SPNS3: variants seen among roughly 807,000 people sequenced by gnomAD.
The protein encoded by SPNS3 is SPNS lysolipid transporter 3, sphingosine-1-phosphate (putative), also known as protein spinster homolog 3.
Under a neutral mutation model 54.4 loss-of-function variants are expected in SPNS3, and 51 were observed. That is an observed-to-expected ratio of 0.94 (90% CI 0.75 to 1.18). The LOEUF (loss-of-function observed/expected upper bound fraction) is 1.18, where lower values mean the gene tolerates loss of function less well. Ranked by LOEUF, SPNS3 falls within the 50% of genes most tolerant of loss-of-function variation. SPNS3 has a pLI of 0.00. For missense variants in SPNS3, 669 were observed against 677.4 expected (o/e 0.99, Z 0.14); for synonymous variants, 309 against 294.7 (o/e 1.05, Z -0.50).
At chr17:4,457,318 A>C (rs1381454008) in intron 8 of SPNS3, among the ~76,000 whole-genome samples, 1 of 152,132 alleles carries the variant, frequency 6.6e-6, no homozygotes, top group South Asian at 2.1e-4. Flanking sequence ...TTTGAGCCCC[A>C]GTGATAGAGG....
intron 5 of SPNS3, 110 bp from the exon 6 acceptor site, chr17:4,448,045 T>G: frequency 8.9e-7 from 1 of 1,123,964 alleles, no homozygotes; most frequent in Non-Finnish European, 1.2e-6. Flanking sequence ...CCCCCAGGGC[T>G]TGGAAACCAG....
intron 8 of SPNS3, among the ~76,000 whole-genome samples, chr17:4,471,167 A>G (rs1398288602): frequency 3.3e-5 from 5 of 152,160 alleles, no homozygotes; most frequent in African/African-American, 9.6e-5. Flanking sequence ...CAGGTGATCC[A>G]CCCGCCTCGG....
intron 8 of SPNS3, among the ~76,000 whole-genome samples, chr17:4,461,969 C>T (rs1971518989): frequency 6.6e-6 from 1 of 152,094 alleles, no homozygotes; most frequent in African/African-American, 2.4e-5. Flanking sequence ...AGGGTGAAAA[C>T]ATTTTTGGGG....
chr17:4,483,149 G>C lies in SPNS3; in HGVS notation c.1180-3079G>C, dbSNP rs2144234586. Among the ~76,000 whole-genome samples, 1 of 152,330 alleles carries C rather than the reference G, an allele frequency of 6.6e-6. No homozygotes were observed. The highest frequency in any genetic ancestry group is 2.4e-5 in the African/African-American group (1 of 41,564). Reference sequence around the variant, plus strand: ...CTGTCTCACCCTCTCAGGGGCGTCTGGGGGCGAGGCCTGGGTGGGGGTGCA... The same window carrying C: ...CTGTCTCACCCTCTCAGGGGCGTCTCGGGGCGAGGCCTGGGTGGGGGTGCA... On this transcript the variant is annotated intron_variant, in intron 9 of 11. Transcript: ENST00000355530. This position sits in a 1 kb window ranked among gnomAD's most constrained non-coding sequence, Gnocchi z 4.2.
intron 8 of SPNS3, among the ~76,000 whole-genome samples, chr17:4,477,645 C>G (rs906015509): frequency 2.6e-5 from 4 of 152,140 alleles, no homozygotes; most frequent in African/African-American, 7.2e-5. Context: ...GGGCACTGGG[C>G]AGGGGCCGGA....
rs34349047 is a variant in SPNS3, at chr17:4,434,107, C to T, written c.140C>T (p.Ala47Val). ...WSLPPWRAYV[A>V]AAVLCYINLL... is the part of the protein sequence containing the mutation. Reference sequence around the variant, plus strand: ...CTGCCCCCGTGGAGGGCCTACGTGGCTGCCGCCGTCCTCTGCTACATCAAC... The same window carrying T: ...CTGCCCCCGTGGAGGGCCTACGTGGTTGCCGCCGTCCTCTGCTACATCAAC... The change falls in exon 1 of 12, where the codon GCT becomes GTT. Residue 47 changes from alanine (A) to valine (V), a missense_variant. Ala to Val is a moderately conservative substitution (Grantham distance 64). Coordinates refer to ENST00000355530, the MANE Select transcript of SPNS3 (RefSeq NM_182538.5). 6.2e-7 allele frequency: 1 copy of T among 1,612,480 alleles called. No individual in the cohort carries two copies. The highest frequency in any genetic ancestry group is 8.5e-7 in the Non-Finnish European group (1 of 1,179,354).
chr17:4,448,864 G>A (rs60615216), intron 6 of SPNS3, among the ~76,000 whole-genome samples: 4 of 152,202 alleles, frequency 2.6e-5, no homozygotes, highest in African/African-American at 9.7e-5. Flanking sequence ...GGCAGGCAGG[G>A]ACAGCTTCCT....
At chr17:4,485,034 C>T (rs900082015) in intron 9 of SPNS3, 1 of 152,076 alleles carries the variant, frequency 6.6e-6, no homozygotes, top group Non-Finnish European at 1.5e-5. Flanking sequence ...AGGGCAGGTA[C>T]CTGAACTCTG....
intron 7 of SPNS3, among the ~76,000 whole-genome samples, chr17:4,451,931 G>A (rs768008065): frequency 2.1e-4 from 32 of 151,316 alleles, no homozygotes; most frequent in Non-Finnish European, 3.5e-4. Context: ...CACCCACCTC[G>A]GCCTCCCAAA....
chr17:4,456,764 G>A (rs1971326839), intron 8 of SPNS3, among the ~76,000 whole-genome samples: 1 of 152,044 alleles, frequency 6.6e-6, no homozygotes, highest in Admixed American at 6.6e-5. Context: ...GCCCAGGCTG[G>A]AGTGCAGTGG....
chr17:4,467,317 A>T (rs980200970), intron 8 of SPNS3, among the ~76,000 whole-genome samples: 22 of 152,032 alleles, frequency 1.4e-4, no homozygotes, highest in Non-Finnish European at 2.5e-4. Context: ...GCAAAAAAAA[A>T]ATCACCCCAA....
intron 9 of SPNS3, among the ~76,000 whole-genome samples, chr17:4,480,339 G>T (rs1972118672): frequency 6.6e-6 from 1 of 152,208 alleles, no homozygotes; most frequent in Non-Finnish European, 1.5e-5. Flanking sequence ...TGCCCGGTAG[G>T]GTGAGCAAGG....
Position 4,434,093 on chromosome 17 carries a change from G to A in SPNS3, c.126G>A (p.Trp42Ter). The A allele has an allele frequency of 6.2e-7, 1 of 1,612,362 alleles. No homozygotes were observed. Among genetic ancestry groups the A allele is most frequent in the Non-Finnish European group, 8.5e-7 (1 of 1,179,330 alleles). ...ITPTSWSLPP[W>*]RAYVAAAVLC... ...CCACCTCCTGGAGCCTGCCCCCGTGGAGGGCCTACGTGGCTGCCGCCGTCC... is the reference window on the plus strand; with the variant it reads ...CCACCTCCTGGAGCCTGCCCCCGTGAAGGGCCTACGTGGCTGCCGCCGTCC... Residue 42 changes from tryptophan (W) to a stop codon, truncating the protein, a stop_gained, in exon 1 of 12, where the codon TGG becomes TGA. Coordinates refer to ENST00000355530, the MANE Select transcript of SPNS3 (RefSeq NM_182538.5). LOFTEE classifies it high-confidence loss of function.
intron 1 of SPNS3, among the ~76,000 whole-genome samples, chr17:4,437,496 G>A (rs1333026425): frequency 2.0e-5 from 3 of 151,624 alleles, no homozygotes; most frequent in East Asian, 1.9e-4. Context: ...GTGAAACCCC[G>A]TCTCTACTAA....
At chr17:4,481,599 G>T (rs1972152034) in intron 9 of SPNS3, among the ~76,000 whole-genome samples, 1 of 152,186 alleles carries the variant, frequency 6.6e-6, no homozygotes, top group Non-Finnish European at 1.5e-5. Context: ...TTAGGTCAGA[G>T]GGCAGAGGGC....
chr17:4,468,584 C>T (rs62064885), intron 8 of SPNS3, among the ~76,000 whole-genome samples: 23,871 of 129,332 alleles, frequency 0.18, 1,918 homozygotes, highest in Middle Eastern at 0.25. Context: ...GCGGTGGCGG[C>T]GGGGGAAGAC....
At chr17:4,469,620 CAA>C (rs551056606) in intron 8 of SPNS3, among the ~76,000 whole-genome samples, 8 of 66,832 alleles carry the variant, frequency 1.2e-4, no homozygotes, top group Admixed American at 2.0e-4. Flanking sequence ...GACTCCATCT[CAA>C]AAAAAAAAAA....
intron 9 of SPNS3, chr17:4,482,405 T>A (rs1972186990): frequency 6.6e-6 from 1 of 152,156 alleles, no homozygotes; most frequent in Non-Finnish European, 1.5e-5. Flanking sequence ...GCATTTCTGA[T>A]GAACTTCCCA....
chr17:4,455,678 C>CT (rs1971293277), intron 8 of SPNS3, among the ~76,000 whole-genome samples: 2 of 152,324 alleles, frequency 1.3e-5, no homozygotes, highest in East Asian at 3.9e-4. Flanking sequence ...CTGCCGCCCT[C>CT]TCCCCTCCCA....
Sources: gnomAD v4.1 joint callset for allele counts (sites outside exome capture counted in the v4.1 genomes callset) on GRCh38, gnomAD v4.1.1 for gene constraint, Gnocchi (gnomAD v3.1) non-coding constraint, MANE v1.5 for transcripts, NCBI Gene and HGNC (gene_info 2026-07-23, HGNC 2026-07-21) for gene names.